Variants in STAT3 observed in about 807,000 individuals in gnomAD.
The protein encoded by STAT3 is signal transducer and activator of transcription 3, also known as DNA-binding protein APRF.
A neutral mutation model predicts 114.3 loss-of-function variants in STAT3; 7 were observed. The ratio of observed to expected loss-of-function variants is 0.06; its 90% CI spans 0.03 to 0.11. The LOEUF (loss-of-function observed/expected upper bound fraction) is 0.11, where lower values mean the gene tolerates loss of function less well. Among genes scored for constraint, STAT3 ranks in the 10% least tolerant of loss-of-function variants. The pLI is 1.00. For missense variants in STAT3, 364 were observed against 960.9 expected (o/e 0.38, Z 8.21); for synonymous variants, 331 against 354.5 (o/e 0.93, Z 0.74).
chr17:42,330,239 C>T (rs1359417059), intron 11 of STAT3, among the ~76,000 whole-genome samples: 1 of 151,426 alleles, frequency 6.6e-6, no homozygotes, highest in African/African-American at 2.4e-5. Flanking sequence ...GCCTCAGCCT[C>T]CCGTGTAGCT....
intron 22 of STAT3, 58 bp downstream of exon 22, chr17:42,317,124 C>G: frequency 1.9e-6 from 3 of 1,611,548 alleles, no homozygotes; most frequent in Non-Finnish European, 2.5e-6. Context: ...TGTCCCATTC[C>G]CAGGGATAAC....
chr17:42,382,654 C>CTT (rs66812455), intron 1 of STAT3, among the ~76,000 whole-genome samples: 4 of 145,654 alleles, frequency 2.7e-5, no homozygotes, highest in Non-Finnish European at 6.1e-5. Context: ...TTTTTTTTTT[C>CTT]TTTTTTTTTT....
At chr17:42,340,956 T>C (rs1055815662) in intron 4 of STAT3, among the ~76,000 whole-genome samples, 2 of 152,098 alleles carry the variant, frequency 1.3e-5, no homozygotes, top group South Asian at 4.2e-4. Flanking sequence ...AAGCTCCATA[T>C]GGATGGCTGG....
Position 42,346,721 on chromosome 17 carries a change from A to G in STAT3, c.129-8T>C. 6.2e-7 allele frequency: 1 copy of G among 1,614,142 alleles called. No individual in the cohort carries two copies. The highest frequency in any genetic ancestry group is 8.5e-7 in the Non-Finnish European group (1 of 1,180,012). ...TTGCTGGCCGCATATGCCCTAGGAA[A>G]AGGAAGAATGATAAAGAATGGCTCT... On this transcript the variant is annotated splice_region_variant and splice_polypyrimidine_tract_variant and intron_variant, in intron 2 of 23. Coordinates refer to ENST00000264657, the MANE Select transcript of STAT3 (RefSeq NM_139276.3).
chr17:42,320,069 A>G (rs1195573017), intron 21 of STAT3, among the ~76,000 whole-genome samples: 1 of 152,178 alleles, frequency 6.6e-6, no homozygotes, highest in Non-Finnish European at 1.5e-5. Flanking sequence ...ATGAGTCAAA[A>G]GGACCAGCCG....
At chr17:42,340,653 C>A (rs1019600795) in intron 4 of STAT3, among the ~76,000 whole-genome samples, 1 of 152,136 alleles carries the variant, frequency 6.6e-6, no homozygotes, top group Non-Finnish European at 1.5e-5. Flanking sequence ...CAACCATTCT[C>A]TTCCTTTCCC....
At chr17:42,353,347 C>CA (rs10659012) in intron 1 of STAT3, among the ~76,000 whole-genome samples, 32,497 of 79,156 alleles carry the variant, frequency 0.41, 5,267 homozygotes, top group African/African-American at 0.57. Context: ...GACTGCATAT[C>CA]AAAAAAAAAA....
chr17:42,329,480 G>T (rs1263418740), intron 13 of STAT3, 23 bp from the exon 14 acceptor site: 2 of 1,614,050 alleles, frequency 1.2e-6, no homozygotes, highest in East Asian at 2.2e-5. Flanking sequence ...AAAAAGGCAG[G>T]TGTCCTGTGA....
At chr17:42,323,880 C>T (rs552739551) in intron 17 of STAT3, among the ~76,000 whole-genome samples, 2 of 152,302 alleles carry the variant, frequency 1.3e-5, no homozygotes, top group East Asian at 3.9e-4. Flanking sequence ...TTCCCAACCT[C>T]GGGTGGTAGG....
intron 4 of STAT3, 31 bp downstream of exon 4, chr17:42,345,528 G>A (rs1412733921): frequency 4.5e-6 from 7 of 1,562,834 alleles, no homozygotes; most frequent in Non-Finnish European, 6.1e-6. Context: ...ATTCCTCCCA[G>A]ACCAGGGATT....
intron 1 of STAT3, among the ~76,000 whole-genome samples, chr17:42,381,157 T>C (rs2084769778): frequency 1.3e-5 from 2 of 152,198 alleles, no homozygotes; most frequent in Admixed American, 1.3e-4. Context: ...TAGTCCACTC[T>C]TTTAACTGCT....
chr17:42,345,382 T>C, intron 4 of STAT3, 177 bp downstream of exon 4: 1 of 588,446 alleles, frequency 1.7e-6, no homozygotes, highest in Non-Finnish European at 2.9e-6. Context: ...TTTTTCAATG[T>C]ATTTTGGGGG....
intron 1 of STAT3, among the ~76,000 whole-genome samples, chr17:42,376,547 A>C (rs2084476373): frequency 6.8e-6 from 1 of 147,918 alleles, no homozygotes; most frequent in African/African-American, 2.5e-5. Flanking sequence ...CTCCATCTCA[A>C]AAAAAAAAAA....
chr17:42,316,739 AG>A (rs763273110), intron 23 of STAT3, 49 bp downstream of exon 23: 2 of 1,611,352 alleles, frequency 1.2e-6, no homozygotes, highest in South Asian at 2.2e-5. Context: ...CATCACACAA[AG>A]GGGACCAACT....
At chr17:42,356,082 A>T (rs2083211158) in intron 1 of STAT3, among the ~76,000 whole-genome samples, 1 of 152,070 alleles carries the variant, frequency 6.6e-6, no homozygotes, top group Admixed American at 6.6e-5. Flanking sequence ...GCCTACACTA[A>T]CCTCTTCTTT....
chr17:42,338,546 TGAGGGAATACTCCTG>T lies in STAT3; in HGVS notation c.550+170_550+184del, dbSNP rs1263242253. 5.4e-4 allele frequency among the ~76,000 whole-genome samples: 80 copies of T among 148,952 alleles called. 1 individual carries two copies. Among genetic ancestry groups the T allele is most frequent in the African/African-American group, 1.9e-3 (75 of 39,204 alleles). On this transcript the variant is annotated intron_variant, in intron 6 of 23. Coordinates refer to ENST00000264657, the MANE Select transcript of STAT3 (RefSeq NM_139276.3). ...TGACCTGAGGGAATACTCCTGGACCTGAGGGAATACTCCTGGACCTGAGGGAATACTCCTGTCCTT... is the reference window on the plus strand; with the variant it reads ...TGACCTGAGGGAATACTCCTGGACCTGACCTGAGGGAATACTCCTGTCCTT...
At chr17:42,381,438 T>C (rs554024642) in intron 1 of STAT3, among the ~76,000 whole-genome samples, 7 of 152,100 alleles carry the variant, frequency 4.6e-5, no homozygotes, top group Admixed American at 6.6e-5. Flanking sequence ...TAAAAGGAAT[T>C]TGGAAGGCCA....
intron 1 of STAT3, among the ~76,000 whole-genome samples, chr17:42,363,877 G>A (rs1313725742): frequency 6.6e-6 from 1 of 151,842 alleles, no homozygotes; most frequent in African/African-American, 2.4e-5. Context: ...TCTGGGTGGC[G>A]TTATCCATCC....
chr17:42,376,836 GCT>G (rs1335130777), intron 1 of STAT3, among the ~76,000 whole-genome samples: 1 of 108,090 alleles, frequency 9.3e-6, no homozygotes, highest in African/African-American at 3.2e-5. Flanking sequence ...ACAGAATGAG[GCT>G]CTGTCTCAAA....
Sources: gnomAD v4.1 joint callset for allele counts (sites outside exome capture counted in the v4.1 genomes callset) on GRCh38, gnomAD v4.1.1 for gene constraint, MANE v1.5 for transcripts, NCBI Gene and HGNC (gene_info 2026-07-23, HGNC 2026-07-21) for gene names.